ALG8: variants seen among roughly 807,000 people sequenced by gnomAD.
ALG8 encodes dolichyl pyrophosphate Glc1Man9GlcNAc2 alpha-1,3-glucosyltransferase.
ALG8 carries 48 observed loss-of-function variants against 70.2 expected under a neutral mutation model. The observed-to-expected ratio is 0.68, with a 90% CI of 0.54 to 0.87. The LOEUF is 0.87. ALG8 is among the 40% of genes least tolerant of loss of function. ALG8 has a pLI of 0.00. For synonymous variants in ALG8, 234 were observed against 229.0 expected, an observed-to-expected ratio of 1.02 and a Z score of -0.20; for missense variants, 572 against 608.7, an observed-to-expected ratio of 0.94 and a Z score of 0.64.
chr11:78,124,346 T>C (rs1565357886), intron 2 of ALG8, 132 bp from the exon 3 acceptor site: 4 of 865,150 alleles, frequency 4.6e-6, no homozygotes, highest in Non-Finnish European at 5.6e-6. Context: ...CTCACACCTG[T>C]AACCCCAGCA....
rs368095936 is a variant in ALG8, at chr11:78,127,572, C to T, written c.96-136G>A. 6 of 769,598 alleles carry T rather than the reference C, an allele frequency of 7.8e-6. No homozygotes were observed. In the African/African-American group the frequency reaches 8.6e-5, roughly 11 times the overall value. The allele number at this position is 769,598 out of a possible 1,614,324, so 47.7% of individuals were successfully genotyped here. Reference sequence around the variant, plus strand: ...ACTGTCCTATAGAGACACAAATAGACATTACATAATCCTGTAAAACCTCAT... The same window carrying T: ...ACTGTCCTATAGAGACACAAATAGATATTACATAATCCTGTAAAACCTCAT... On this transcript the variant is annotated intron_variant, in intron 1 of 12. Coordinates refer to ENST00000299626, the MANE Select transcript of ALG8 (RefSeq NM_024079.5).
At chr11:78,138,711 G>A (rs1293169191) in intron 1 of ALG8, 1 of 456,374 alleles carries the variant, frequency 2.2e-6, no homozygotes, top group Non-Finnish European at 4.4e-6. Context: ...AGTACCTACT[G>A]TATACACACC....
intron 1 of ALG8, among the ~76,000 whole-genome samples, chr11:78,135,843 G>A (rs530151331): frequency 5.3e-4 from 75 of 142,084 alleles, no homozygotes; most frequent in African/African-American, 4.4e-4. Context: ...GTGAAACTCC[G>A]TCTCAAACAT....
At chr11:78,138,012 G>A (rs751655886) in intron 1 of ALG8, among the ~76,000 whole-genome samples, 2 of 152,104 alleles carry the variant, frequency 1.3e-5, no homozygotes, top group Non-Finnish European at 2.9e-5. Flanking sequence ...CAAAGTGAGC[G>A]CTATATACAT....
intron 1 of ALG8, among the ~76,000 whole-genome samples, chr11:78,133,858 G>A (rs910122122): frequency 6.6e-6 from 1 of 150,542 alleles, no homozygotes; most frequent in Non-Finnish European, 1.5e-5. Flanking sequence ...CCGAGATAGC[G>A]CCACTGCCCT....
rs770803572 is a variant in ALG8, at chr11:78,101,107, A to G, written c.1438T>C (p.Phe480Leu). 1 of 1,614,202 alleles carries G rather than the reference A, an allele frequency of 6.2e-7. No homozygotes were observed. Among genetic ancestry groups the G allele is most frequent in the Non-Finnish European group, 8.5e-7 (1 of 1,180,036 alleles). The change falls in exon 13 of 13, where the codon TTC (phenylalanine) becomes CTC (leucine). Residue 480 changes from phenylalanine to leucine, a missense_variant. Phe to Leu is a conservative substitution (Grantham distance 22). Coordinates refer to ENST00000299626, the MANE Select transcript of ALG8 (RefSeq NM_024079.5). Reference protein sequence around the residue: ...LEVCCEFVFPFTSWKVKYPFI... With the variant: ...LEVCCEFVFPLTSWKVKYPFI... ...GGGTACTTCACCTTCCAGGAGGTGAAAGGGAATACAAATTCACAGCAGACT... is the reference window on the plus strand; with the variant it reads ...GGGTACTTCACCTTCCAGGAGGTGAGAGGGAATACAAATTCACAGCAGACT...
Position 78,114,353 on chromosome 11 carries a change from G to T in ALG8, c.586C>A (p.Leu196Ile). 6.2e-7 allele frequency: 1 copy of T among 1,614,022 alleles called. No homozygotes were observed. The highest frequency in any genetic ancestry group is 8.5e-7 in the Non-Finnish European group (1 of 1,179,978). Residue 196 changes from leucine to isoleucine, a missense_variant, in exon 6 of 13, where the codon CTA becomes ATA. By Grantham distance (5) the Leu-to-Ile change is conservative (BLOSUM62 2). Coordinates refer to ENST00000299626, the MANE Select transcript of ALG8 (RefSeq NM_024079.5). ...TAGAGGTAGATATGCTTGAAATGTA[G>T]GAGAACAGCAAAGAGAAATGCTCCT... The part of the protein sequence containing the change: ...MEGAFLFAVL[L>I]HFKHIYLYVA...
intron 9 of ALG8, among the ~76,000 whole-genome samples, chr11:78,107,527 T>C (rs1860096102): frequency 6.7e-6 from 1 of 149,142 alleles, no homozygotes; most frequent in East Asian, 2.0e-4. Flanking sequence ...CCTTGATGTA[T>C]ATATTTAACT....
chr11:78,104,541 C>G, intron 10 of ALG8, 88 bp from the exon 11 acceptor site: 4 of 1,190,120 alleles, frequency 3.4e-6, no homozygotes, highest in Non-Finnish European at 4.8e-6. Flanking sequence ...TACATTAGAA[C>G]TGGCTGAGGC....
intron 5 of ALG8, among the ~76,000 whole-genome samples, chr11:78,117,420 A>G (rs634877): frequency 0.22 from 33,101 of 152,024 alleles, 4,464 homozygotes; most frequent in African/African-American, 0.38. Flanking sequence ...AATAAGATAT[A>G]TGTAAGCCAG....
At chr11:78,119,940 G>A (rs585697) in intron 4 of ALG8, among the ~76,000 whole-genome samples, 33,021 of 151,494 alleles carry the variant, frequency 0.22, 4,448 homozygotes, top group African/African-American at 0.38. Context: ...CGTCTCTACC[G>A]AAAATACAAA....
At chr11:78,114,214 AC>A in intron 6 of ALG8, 51 bp downstream of exon 6, 1 of 1,611,104 alleles carries the variant, frequency 6.2e-7, no homozygotes, top group Non-Finnish European at 8.5e-7. Context: ...CACCAAGTCA[AC>A]ACAGTAAGGG....
At chr11:78,134,407 G>A (rs981574186) in intron 1 of ALG8, among the ~76,000 whole-genome samples, 1 of 152,162 alleles carries the variant, frequency 6.6e-6, no homozygotes, top group Non-Finnish European at 1.5e-5. Flanking sequence ...CAAAACGCTG[G>A]GATTACAGGC....
At chr11:78,114,843 C>T in intron 5 of ALG8, 2 of 322,540 alleles carry the variant, frequency 6.2e-6, no homozygotes, top group South Asian at 5.4e-5. Flanking sequence ...GGCGTGATGG[C>T]TTGCACCTGT....
chr11:78,101,024 C>G lies in ALG8; in HGVS notation c.1521G>C (p.Trp507Cys). The G allele has an allele frequency of 6.2e-7, 1 of 1,614,190 alleles. No individual in the cohort carries two copies. Among genetic ancestry groups the G allele is most frequent in the Non-Finnish European group, 8.5e-7 (1 of 1,180,034 alleles). The change falls in exon 13 of 13, where the codon TGG becomes TGC. Residue 507 changes from tryptophan to cysteine, a missense_variant. By Grantham distance (215) the Trp-to-Cys change is radical. Coordinates refer to ENST00000299626, the MANE Select transcript of ALG8 (RefSeq NM_024079.5). ...TCAATACTGAAACATACAGTTTGAA[C>G]CAAGCATATGTGATGCCTACTGCAC... ...VYCAVGITYA[W>C]FKLYVSVLID... is the part of the protein sequence containing the mutation.
intron 1 of ALG8, among the ~76,000 whole-genome samples, chr11:78,127,714 T>TTTTTA (rs1422940988): frequency 8.9e-5 from 13 of 146,860 alleles, no homozygotes; most frequent in Non-Finnish European, 1.8e-4. Context: ...TTTCTTTTCT[T>TTTTTA]TTTTTTTTTT....
chr11:78,110,553 C>T (rs969785147), intron 8 of ALG8, among the ~76,000 whole-genome samples: 3 of 152,168 alleles, frequency 2.0e-5, no homozygotes, highest in Non-Finnish European at 4.4e-5. Flanking sequence ...TGCTCATTTC[C>T]TCTACTATAC....
intron 1 of ALG8, among the ~76,000 whole-genome samples, chr11:78,130,361 A>AAAAAAAAAAGAAAAGAAAAAAAAG (rs928560857): frequency 1.7e-4 from 22 of 132,634 alleles, no homozygotes; most frequent in African/African-American, 6.6e-4. Flanking sequence ...AAAAAAAAAA[A>AAAAAAAAAAGAAAAGAAAAAAAAG]AAAAAAGGTG....
At chr11:78,135,426 T>C (rs1861499385) in intron 1 of ALG8, 1 of 151,186 alleles carries the variant, frequency 6.6e-6, no homozygotes, top group Non-Finnish European at 1.5e-5. Flanking sequence ...GAAAACAACA[T>C]TAAGGTTGGG....
Sources: gnomAD v4.1 joint callset for allele counts (sites outside exome capture counted in the v4.1 genomes callset) on GRCh38, gnomAD v4.1.1 for gene constraint, MANE v1.5 for transcripts, NCBI Gene and HGNC (gene_info 2026-07-23, HGNC 2026-07-21) for gene names.